The following MYT1L variants were observed in gnomAD, a reference collection of about 807,000 sequenced individuals.
MYT1L encodes myelin transcription factor 1 like.
Under a neutral mutation model 126.7 loss-of-function variants are expected in MYT1L, and 12 were observed. The ratio of observed to expected loss-of-function variants is 0.09; its 90% CI spans 0.06 to 0.15. MYT1L has a LOEUF of 0.15. MYT1L is among the 10% of genes least tolerant of loss of function. MYT1L has a pLI of 1.00. For synonymous variants in MYT1L, 541 were observed against 604.2 expected (o/e 0.90, Z 1.53); for missense variants, 979 against 1,585.2 (o/e 0.62, Z 6.49).
chr2:2,110,615 C>T (rs982011683), intron 3 of MYT1L, among the ~76,000 whole-genome samples: 3 of 149,432 alleles, frequency 2.0e-5, no homozygotes, highest in Non-Finnish European at 3.0e-5. Flanking sequence ...CTCCTCCCCT[C>T]TCCCTCTCCC....
At chr2:2,327,630 G>C (rs1382356449) in intron 1 of MYT1L, among the ~76,000 whole-genome samples, 1 of 152,142 alleles carries the variant, frequency 6.6e-6, no homozygotes, top group Non-Finnish European at 1.5e-5. Flanking sequence ...CTCCTGAACA[G>C]AGTTCTGGTG....
At chr2:2,002,018 G>A (rs562917308) in intron 4 of MYT1L, among the ~76,000 whole-genome samples, 6 of 152,276 alleles carry the variant, frequency 3.9e-5, no homozygotes, top group African/African-American at 1.2e-4. Flanking sequence ...CACATCCTAT[G>A]TATATTATAG....
chr2:1,838,792 A>G (rs897225149), intron 21 of MYT1L, among the ~76,000 whole-genome samples: 10 of 152,186 alleles, frequency 6.6e-5, no homozygotes, highest in African/African-American at 2.4e-4. Flanking sequence ...CTTTCCCCCA[A>G]TGACGCCTGC....
intron 1 of MYT1L, among the ~76,000 whole-genome samples, chr2:2,320,924 G>T (rs576072080): frequency 5.3e-5 from 8 of 152,300 alleles, no homozygotes; most frequent in African/African-American, 1.9e-4. Context: ...CGCTTTCCAC[G>T]ACCCAGACAA....
At chr2:1,988,776 A>T (rs953293429) in intron 5 of MYT1L, among the ~76,000 whole-genome samples, 4 of 152,218 alleles carry the variant, frequency 2.6e-5, no homozygotes, top group African/African-American at 9.6e-5. Flanking sequence ...TGATCCACCC[A>T]CATCAGCCTC....
Position 1,806,243 on chromosome 2 carries a change from G to A in MYT1L, c.3172+2833C>T, listed in dbSNP as rs1218886990. Among the ~76,000 whole-genome samples, 2 of 152,160 alleles carry A rather than the reference G, an allele frequency of 1.3e-5. No individual in the cohort carries two copies. The highest frequency in any genetic ancestry group is 2.9e-5 in the Non-Finnish European group (2 of 68,042). ...AGCCCCAGGCATCAGCACACACTTG[G>A]ACTTAGGAAGACCCACTTCCACCAC... On this transcript the variant is annotated intron_variant, in intron 22 of 24. Transcript: ENST00000647738. This position sits in a 1 kb window ranked among gnomAD's most constrained non-coding sequence, Gnocchi z 4.9.
chr2:1,825,257 C>G (rs1166790544), intron 21 of MYT1L: 1 of 152,260 alleles, frequency 6.6e-6, no homozygotes, highest in Non-Finnish European at 1.5e-5. Flanking sequence ...CCCCCAGGAG[C>G]TGCCACCTGC....
Position 1,979,637 on chromosome 2 carries a change from T to G in MYT1L, c.56-83A>C. 4 of 1,604,042 alleles carry G rather than the reference T, an allele frequency of 2.5e-6. No homozygotes were observed. Among genetic ancestry groups the G allele is most frequent in the Non-Finnish European group, 3.4e-6 (4 of 1,171,066 alleles). On this transcript the variant is annotated intron_variant, in intron 6 of 24. Transcript: ENST00000647738. This position sits in a 1 kb window ranked among gnomAD's most constrained non-coding sequence, Gnocchi z 4.0. ...ACAGAAAATTACCAAAAGGGTGGCA[T>G]GAAAGTGGGGTCAGAATCGACCTCA...
intron 4 of MYT1L, among the ~76,000 whole-genome samples, chr2:2,001,512 GA>G (rs1392426972): frequency 3.3e-5 from 5 of 152,214 alleles, no homozygotes; most frequent in Admixed American, 6.5e-5. Context: ...ATAGAGTGAA[GA>G]AATAAAGGAA....
At position 1,790,056 on chromosome 2, in the gene MYT1L, C is replaced by T. The variant is rs921280929; in HGVS notation, c.*1811G>A. 3.3e-5 allele frequency: 5 copies of T among 152,112 alleles called. No homozygotes were observed. Among genetic ancestry groups the T allele is most frequent in the African/African-American group, 4.8e-5 (2 of 41,408 alleles). 9.4% of individuals were successfully genotyped at this position (152,112 alleles called of 1,614,324 possible). Reference sequence around the variant, plus strand: ...TCCCTTTGCAACATTATTGATCAGCCGTGAGGGCTCCTCTATAATCCATCC... The same window carrying T: ...TCCCTTTGCAACATTATTGATCAGCTGTGAGGGCTCCTCTATAATCCATCC... On this transcript the variant is annotated 3_prime_UTR_variant, in exon 25 of 25. Coordinates refer to ENST00000647738, the MANE Select transcript of MYT1L (RefSeq NM_001303052.2).
intron 15 of MYT1L, among the ~76,000 whole-genome samples, chr2:1,891,576 C>CT (rs2048882808): frequency 6.6e-6 from 1 of 152,184 alleles, no homozygotes; most frequent in Admixed American, 6.5e-5. Context: ...GGTGTGAAGT[C>CT]TGATTTTTAC....
chr2:2,263,983 C>T (rs780443069), intron 2 of MYT1L, among the ~76,000 whole-genome samples: 5 of 152,026 alleles, frequency 3.3e-5, no homozygotes, highest in East Asian at 1.9e-4. Flanking sequence ...AAGAATGGAC[C>T]GCTAATACTT....
At chr2:2,049,661 G>T (rs902913241) in intron 4 of MYT1L, among the ~76,000 whole-genome samples, 1 of 152,132 alleles carries the variant, frequency 6.6e-6, no homozygotes, top group Non-Finnish European at 1.5e-5. Context: ...TTGTGGGAGG[G>T]ACCAGTGGGA....
chr2:2,179,172 T>C (rs575774245), intron 2 of MYT1L, among the ~76,000 whole-genome samples: 35 of 152,256 alleles, frequency 2.3e-4, no homozygotes, highest in Admixed American at 6.5e-4. Flanking sequence ...AAGTGGCTCA[T>C]CCATCCACAG....
At chr2:2,299,074 G>C (rs1423865779) in intron 1 of MYT1L, among the ~76,000 whole-genome samples, 1 of 152,106 alleles carries the variant, frequency 6.6e-6, no homozygotes, top group East Asian at 1.9e-4. Flanking sequence ...GGATGGTCTC[G>C]ATCTCCTGAC....
At chr2:2,321,940 T>C (rs1370372604) in intron 1 of MYT1L, among the ~76,000 whole-genome samples, 1 of 152,194 alleles carries the variant, frequency 6.6e-6, no homozygotes, top group African/African-American at 2.4e-5. Flanking sequence ...CAAACACATC[T>C]AAAGCAGGTT....
rs866765846 is a variant in MYT1L, at chr2:1,861,789, G to A, written c.2712-10086C>T. Among the ~76,000 whole-genome samples, 884 of 144,068 alleles carry A rather than the reference G, an allele frequency of 6.1e-3. 1 individual carries two copies. Among genetic ancestry groups the A allele is most frequent in the Non-Finnish European group, 7.3e-3 (461 of 63,450 alleles). The allele number at this position is 144,068 out of a possible 152,430, so 94.5% of individuals were successfully genotyped here. A position where few individuals can be genotyped will look rare whatever the true frequency, so the allele number is the denominator to read the frequency against. The stretch of plus-strand genomic sequence containing the variant: ...AGCCTGTGTAATCCTGGATCTGCCT[G>A]CAGACTGTGTAATCCTAGATCTGCC... On this transcript the variant is annotated intron_variant, in intron 18 of 24. Coordinates refer to ENST00000647738, the MANE Select transcript of MYT1L (RefSeq NM_001303052.2).
chr2:2,001,282 T>C (rs1415252670), intron 4 of MYT1L, among the ~76,000 whole-genome samples: 2 of 148,866 alleles, frequency 1.3e-5, no homozygotes, highest in Non-Finnish European at 3.0e-5. Flanking sequence ...TTCTTCTCCA[T>C]GTTCTGGAAG....
intron 21 of MYT1L, chr2:1,828,463 C>G (rs1269142518): frequency 6.6e-6 from 1 of 152,220 alleles, no homozygotes; most frequent in Non-Finnish European, 1.5e-5. Context: ...GGATCCTCCA[C>G]GTTCTCTTCC....
Sources: gnomAD v4.1 joint callset for allele counts (sites outside exome capture counted in the v4.1 genomes callset) on GRCh38, gnomAD v4.1.1 for gene constraint, Gnocchi (gnomAD v3.1) non-coding constraint, MANE v1.5 for transcripts, NCBI Gene and HGNC (gene_info 2026-07-23, HGNC 2026-07-21) for gene names.